The following DPP6 variants were observed in gnomAD, a reference collection of about 807,000 sequenced individuals.
DPP6 encodes the protein A-type potassium channel modulatory protein DPP6.
DPP6 carries 69 observed loss-of-function variants against 122.6 expected under a neutral mutation model. The ratio of observed to expected loss-of-function variants is 0.56; its 90% CI spans 0.46 to 0.69. DPP6 has a LOEUF of 0.69. Among genes scored for constraint, DPP6 ranks in the 30% least tolerant of loss-of-function variants. The pLI is 0.00. For missense variants in DPP6, 928 were observed against 1,116.9 expected, an observed-to-expected ratio of 0.83 and a Z score of 2.41; for synonymous variants, 418 against 433.1, an observed-to-expected ratio of 0.97 and a Z score of 0.43.
chr7:154,743,657 C>T (rs1842913393), intron 8 of DPP6, among the ~76,000 whole-genome samples: 1 of 152,158 alleles, frequency 6.6e-6, no homozygotes, highest in Admixed American at 6.5e-5. Context: ...GTCCTGTGCC[C>T]CTTGGTATAT....
At chr7:153,915,887 T>C (rs530731045) in intron 1 of DPP6, among the ~76,000 whole-genome samples, 1 of 152,344 alleles carries the variant, frequency 6.6e-6, no homozygotes, top group African/African-American at 2.4e-5. Context: ...AAAGCAAAGT[T>C]AGTAAACCCA....
the DPP6 span, among the ~76,000 whole-genome samples, chr7:153,813,280 G>C: frequency 1.3e-5 from 2 of 149,612 alleles, no homozygotes; most frequent in Non-Finnish European, 2.9e-5. Context: ...TGCAGTGTTT[G>C]GTTTTCTGTT....
Position 154,808,750 on chromosome 7 carries a change from C to G in DPP6, c.1666+1638C>G, listed in dbSNP as rs7801890. 7.7e-3 allele frequency among the ~76,000 whole-genome samples: 1,175 copies of G among 152,296 alleles called. 14 individuals carry two copies. Among genetic ancestry groups the G allele is most frequent in the Middle Eastern group, 0.027 (8 of 294 alleles). ...ATAGGGATTGGGAAAATGTGGCAAGCAGACCCACTAGGAGCCAGAGAGTCT... is the reference window on the plus strand; with the variant it reads ...ATAGGGATTGGGAAAATGTGGCAAGGAGACCCACTAGGAGCCAGAGAGTCT... On this transcript the variant is annotated intron_variant, in intron 16 of 25. Coordinates refer to ENST00000377770, the MANE Select transcript of DPP6 (RefSeq NM_130797.4).
chr7:154,213,143 C>T (rs1486102637), intron 1 of DPP6, among the ~76,000 whole-genome samples: 1 of 152,132 alleles, frequency 6.6e-6, no homozygotes, highest in African/African-American at 2.4e-5. Context: ...TCAGCCAGCG[C>T]TCTTGGCACC....
chr7:153,831,519 A>C, the DPP6 span, among the ~76,000 whole-genome samples: 1 of 152,172 alleles, frequency 6.6e-6, no homozygotes, highest in Non-Finnish European at 1.5e-5. Flanking sequence ...AGGGACACAT[A>C]GTTGACGATT....
intron 1 of DPP6, among the ~76,000 whole-genome samples, chr7:154,371,378 C>CAAAAAAAAAAAAAAAAAAA (rs1167770083): frequency 2.3e-4 from 11 of 47,714 alleles, no homozygotes; most frequent in Middle Eastern, 0.028. Context: ...AACTCTGTCT[C>CAAAAAAAAAAAAAAAAAAA]AAAAAAAAAA....
At chr7:154,248,714 A>G (rs1802150452) in intron 1 of DPP6, among the ~76,000 whole-genome samples, 1 of 152,018 alleles carries the variant, frequency 6.6e-6, no homozygotes. Context: ...AAAAATACAA[A>G]AGCTAGCCGG....
At chr7:154,175,494 T>C (rs1208769883) in intron 1 of DPP6, among the ~76,000 whole-genome samples, 1 of 151,294 alleles carries the variant, frequency 6.6e-6, no homozygotes, top group Non-Finnish European at 1.5e-5. Context: ...CAGGAAGAAG[T>C]GCAGCACTGC....
chr7:154,860,586 A>C (rs1803299589), intron 17 of DPP6, among the ~76,000 whole-genome samples: 1 of 152,188 alleles, frequency 6.6e-6, no homozygotes, highest in Non-Finnish European at 1.5e-5. Flanking sequence ...CTGCCATCTC[A>C]ATCCAGTCCA....
chr7:154,459,021 T>G (rs1372247675), intron 2 of DPP6, among the ~76,000 whole-genome samples: 1 of 152,146 alleles, frequency 6.6e-6, no homozygotes, highest in Non-Finnish European at 1.5e-5. Flanking sequence ...GGAAGAGGAA[T>G]AGGAATCTCC....
chr7:154,803,429 G>A (rs568262017), intron 13 of DPP6, among the ~76,000 whole-genome samples: 14 of 152,188 alleles, frequency 9.2e-5, no homozygotes, highest in South Asian at 2.1e-4. Flanking sequence ...TTCTCCCTCC[G>A]TTTATTCTTC....
intron 15 of DPP6, among the ~76,000 whole-genome samples, chr7:154,805,188 G>C (rs547540218): frequency 6.6e-6 from 1 of 152,306 alleles, no homozygotes; most frequent in Non-Finnish European, 1.5e-5. Context: ...TTGTTGACTT[G>C]GGTTTTCCCT....
intron 8 of DPP6, among the ~76,000 whole-genome samples, chr7:154,750,416 T>C (rs113471004): frequency 1.3e-3 from 193 of 152,246 alleles, no homozygotes; most frequent in African/African-American, 4.1e-3. Flanking sequence ...CATCCCACAG[T>C]GTGGAGGTTC....
rs188201687 is a variant in DPP6, at chr7:154,766,787, C to A, written c.884-2630C>A. Among the ~76,000 whole-genome samples, 9 of 152,302 alleles carry A rather than the reference C, an allele frequency of 5.9e-5. No homozygotes were observed. The East Asian group carries it at 1.5e-3, about 26-fold the overall frequency. The stretch of plus-strand genomic sequence containing the variant: ...CATTTTTTTCAGTCTCTTGTCCCAA[C>A]AAGCATGACCCACTTTGGACTGTGC... On this transcript the variant is annotated intron_variant, in intron 8 of 25. Coordinates refer to ENST00000377770, the MANE Select transcript of DPP6 (RefSeq NM_130797.4).
Position 154,727,818 on chromosome 7 carries a change from G to A in DPP6, c.814G>A (p.Ala272Thr). 3.7e-6 allele frequency: 6 copies of A among 1,613,850 alleles called. No individual in the cohort carries two copies. Among genetic ancestry groups the A allele is most frequent in the Non-Finnish European group, 5.1e-6 (6 of 1,179,832 alleles). ...CTACTGTGCACATGTCGGGAAACAGGCCATCCGTGTGGTCTCCACTGGCAA... is the reference window on the plus strand; with the variant it reads ...CTACTGTGCACATGTCGGGAAACAGACCATCCGTGTGGTCTCCACTGGCAA... Reference protein sequence around the residue: ...IYYCAHVGKQAIRVVSTGKEG... With the variant: ...IYYCAHVGKQTIRVVSTGKEG... The change falls in exon 8 of 26, where the codon GCC becomes ACC. Residue 272 changes from alanine (A) to threonine (T), a missense_variant. Coordinates refer to ENST00000377770, the MANE Select transcript of DPP6 (RefSeq NM_130797.4).
chr7:154,410,823 G>A (rs532580250), intron 1 of DPP6, among the ~76,000 whole-genome samples: 1 of 152,292 alleles, frequency 6.6e-6, no homozygotes, highest in African/African-American at 2.4e-5. Flanking sequence ...TGATTTGCTA[G>A]ATTAAAAAGC....
chr7:154,520,219 T>C (rs1363361747), intron 3 of DPP6, among the ~76,000 whole-genome samples: 3 of 152,240 alleles, frequency 2.0e-5, no homozygotes, highest in African/African-American at 7.2e-5. Flanking sequence ...TCAAATTTAT[T>C]TATTTTCCAC....
At chr7:154,418,528 A>T (rs1202760527) in intron 1 of DPP6, among the ~76,000 whole-genome samples, 1 of 152,188 alleles carries the variant, frequency 6.6e-6, no homozygotes, top group African/African-American at 2.4e-5. Context: ...TAATGAAATA[A>T]TGAAAGAGAG....
intron 3 of DPP6, among the ~76,000 whole-genome samples, chr7:154,491,314 C>T (rs1824258530): frequency 6.6e-6 from 1 of 152,150 alleles, no homozygotes; most frequent in Admixed American, 6.5e-5. Context: ...AGCTGCTGTG[C>T]GTTAGCAACA....
Sources: allele counts gnomAD v4.1 joint callset (sites outside exome capture counted in the v4.1 genomes callset), GRCh38; gene constraint gnomAD v4.1.1; transcripts MANE v1.5; gene names NCBI Gene and HGNC (gene_info 2026-07-23, HGNC 2026-07-21).